The following EYA2 variants were observed in gnomAD, a reference collection of about 807,000 sequenced individuals.
The protein encoded by EYA2 is EYA transcriptional coactivator and phosphatase 2.
In EYA2, 31 loss-of-function variants were observed where a neutral mutation model predicts 69.2. The observed-to-expected ratio is 0.45, with a 90% CI of 0.34 to 0.60. EYA2 has a LOEUF of 0.60. Among genes scored for constraint, EYA2 ranks in the 20% least tolerant of loss-of-function variants. EYA2 has a pLI of 0.02. For missense variants in EYA2, 622 were observed against 701.2 expected (o/e 0.89, Z 1.28); for synonymous variants, 257 against 279.4 (o/e 0.92, Z 0.80).
Position 47,185,081 on chromosome 20 carries a change from G to A in EYA2, c.1536+1690G>A, listed in dbSNP as rs1263234847. Among the ~76,000 whole-genome samples, 7 of 152,068 alleles carry A rather than the reference G, an allele frequency of 4.6e-5. No individual in the cohort carries two copies. The South Asian group carries it at 1.5e-3, about 32-fold the overall frequency. ...AATCTGAGCGGTGTAAAATATGGCC[G>A]CAGGACCAGGGGCCTTGACTGTTTC... On this transcript the variant is annotated intron_variant, in intron 15 of 15. Transcript: ENST00000327619.
chr20:47,170,094 G>A (rs1233276012), intron 11 of EYA2, among the ~76,000 whole-genome samples: 1 of 151,576 alleles, frequency 6.6e-6, no homozygotes, highest in African/African-American at 2.4e-5. Flanking sequence ...TTTTAGTAGA[G>A]GCGGGGTTTC....
intron 4 of EYA2, among the ~76,000 whole-genome samples, chr20:47,009,882 A>G (rs1982952873): frequency 6.6e-6 from 1 of 152,258 alleles, no homozygotes; most frequent in Admixed American, 6.5e-5. Context: ...AACTTTACCT[A>G]CATTGCATCT....
At chr20:47,096,788 C>T (rs891318123) in intron 8 of EYA2, among the ~76,000 whole-genome samples, 5 of 152,224 alleles carry the variant, frequency 3.3e-5, no homozygotes, top group East Asian at 1.9e-4. Flanking sequence ...ATATGATTTT[C>T]GTTGTTGATT....
At chr20:46,937,781 C>T (rs1256181243) in intron 1 of EYA2, among the ~76,000 whole-genome samples, 1 of 151,434 alleles carries the variant, frequency 6.6e-6, no homozygotes, top group South Asian at 2.1e-4. Flanking sequence ...CTTTTCAAAA[C>T]CAAGAGAAGC....
intron 9 of EYA2, among the ~76,000 whole-genome samples, chr20:47,112,652 A>C (rs1399236374): frequency 6.6e-6 from 1 of 152,140 alleles, no homozygotes; most frequent in Non-Finnish European, 1.5e-5. Flanking sequence ...TAGGCCAAAA[A>C]AAAAGCACTT....
At chr20:47,049,300 A>C (rs977927454) in intron 5 of EYA2, among the ~76,000 whole-genome samples, 1 of 152,196 alleles carries the variant, frequency 6.6e-6, no homozygotes, top group African/African-American at 2.4e-5. Flanking sequence ...GCTTTTAACT[A>C]AACTACAGAC....
At chr20:47,153,516 A>C (rs1600748900) in intron 10 of EYA2, among the ~76,000 whole-genome samples, 1 of 151,878 alleles carries the variant, frequency 6.6e-6, no homozygotes, top group Admixed American at 6.6e-5. Flanking sequence ...TTAGCCGGGC[A>C]TGGTGATGAG....
At chr20:47,004,080 A>G (rs1026685291) in intron 3 of EYA2, among the ~76,000 whole-genome samples, 1 of 152,260 alleles carries the variant, frequency 6.6e-6, no homozygotes, top group African/African-American at 2.4e-5. Flanking sequence ...CTAGCCCATT[A>G]TAGAACCTGT....
chr20:46,929,952 AT>A (rs1248285574), intron 1 of EYA2, among the ~76,000 whole-genome samples: 1 of 152,172 alleles, frequency 6.6e-6, no homozygotes, highest in African/African-American at 2.4e-5. Context: ...AAGCCTGGAA[AT>A]ATTGGGATTA....
intron 1 of EYA2, among the ~76,000 whole-genome samples, chr20:46,960,845 C>T (rs946362221): frequency 6.6e-6 from 1 of 152,184 alleles, no homozygotes; most frequent in Non-Finnish European, 1.5e-5. Context: ...ATCCTGCCAT[C>T]CAAGCTGTGG....
intron 15 of EYA2, among the ~76,000 whole-genome samples, chr20:47,184,373 A>G (rs972492082): frequency 2.7e-5 from 4 of 149,060 alleles, no homozygotes; most frequent in African/African-American, 9.9e-5. Context: ...ATTGTACTCA[A>G]TCCTCCAAAA....
intron 1 of EYA2, among the ~76,000 whole-genome samples, chr20:46,931,916 G>A (rs1408212945): frequency 6.6e-6 from 1 of 151,290 alleles, no homozygotes; most frequent in African/African-American, 2.4e-5. Flanking sequence ...ACATGGAAGA[G>A]ATTAATTCGT....
chr20:46,908,173 G>A (rs1467229562), intron 1 of EYA2, among the ~76,000 whole-genome samples: 1 of 152,222 alleles, frequency 6.6e-6, no homozygotes, highest in Non-Finnish European at 1.5e-5. Flanking sequence ...CGTGGGGAAT[G>A]CAGTCAAGAA....
chr20:47,187,963 G>T, intron 15 of EYA2, 90 bp from the exon 16 acceptor site: 2 of 1,383,408 alleles, frequency 1.4e-6, no homozygotes, highest in Non-Finnish European at 2.0e-6. Context: ...ACTTAACTGG[G>T]TTGACTTCTC....
At chr20:47,086,398 C>CT (rs1285900121) in intron 7 of EYA2, among the ~76,000 whole-genome samples, 2 of 152,194 alleles carry the variant, frequency 1.3e-5, no homozygotes, top group African/African-American at 4.8e-5. Context: ...TTAATTGTCT[C>CT]ATCATTCCTC....
At chr20:47,155,523 G>T (rs1412821919) in intron 10 of EYA2, among the ~76,000 whole-genome samples, 1 of 151,928 alleles carries the variant, frequency 6.6e-6, no homozygotes, top group African/African-American at 2.4e-5. Flanking sequence ...CAGAGGGCAG[G>T]TACTGTTATG....
intron 12 of EYA2, among the ~76,000 whole-genome samples, chr20:47,173,534 G>GAAAAAAAAA (rs2034371585): frequency 1.8e-5 from 1 of 56,102 alleles, no homozygotes; most frequent in Admixed American, 1.4e-4. Flanking sequence ...AAAAAAAAAC[G>GAAAAAAAAA]TGCAGGGTCT....
At position 46,990,186 on chromosome 20, in the gene EYA2, A is replaced by G. The variant is rs371847913; in HGVS notation, c.109+67A>G. 184 of 837,754 alleles carry G rather than the reference A, an allele frequency of 2.2e-4. No individual in the cohort carries two copies. The African/African-American group carries it at 2.8e-3, about 13-fold the overall frequency. The allele number at this position is 837,754 out of a possible 1,614,324, so 51.9% of individuals were successfully genotyped here. On this transcript the variant is annotated intron_variant, in intron 2 of 15. Coordinates refer to ENST00000327619, the MANE Select transcript of EYA2 (RefSeq NM_005244.5). ...TCCTAGGTCACCCTGAGAATATCGT[A>G]AGCAACAGACACGCATCCTTTCCAA...
At position 47,076,496 on chromosome 20, in the gene EYA2, T is replaced by C. The variant is rs6090619; in HGVS notation, c.661+2161T>C. ...TTCATATGCTTGTTGGCTGCATGTA[T>C]GTCTTCTTTTGAGAAGTGTCTGTTC... On this transcript the variant is annotated intron_variant, in intron 7 of 15. Coordinates refer to ENST00000327619, the MANE Select transcript of EYA2 (RefSeq NM_005244.5). 8.9e-3 allele frequency among the ~76,000 whole-genome samples: 1,360 copies of C among 152,364 alleles called. 20 individuals carry two copies. Among genetic ancestry groups the C allele is most frequent in the African/African-American group, 0.029 (1,204 of 41,578 alleles).
Sources: allele counts gnomAD v4.1 joint callset (sites outside exome capture counted in the v4.1 genomes callset), GRCh38; gene constraint gnomAD v4.1.1; transcripts MANE v1.5; gene names NCBI Gene and HGNC (gene_info 2026-07-23, HGNC 2026-07-21).